PTPRN2: variants seen among roughly 807,000 people sequenced by gnomAD.
The protein encoded by PTPRN2 is protein tyrosine phosphatase receptor type N2, also known as receptor-type tyrosine-protein phosphatase N2.
PTPRN2 carries 74 observed loss-of-function variants against 118.8 expected under a neutral mutation model. The observed-to-expected ratio is 0.62, with a 90% CI of 0.52 to 0.76. The LOEUF (loss-of-function observed/expected upper bound fraction) is 0.76, where lower values mean the gene tolerates loss of function less well. Among genes scored for constraint, PTPRN2 ranks in the 30% least tolerant of loss-of-function variants. The pLI is 0.00. For synonymous variants in PTPRN2, 641 were observed against 608.0 expected, an observed-to-expected ratio of 1.05 and a Z score of -0.80; for missense variants, 1,481 against 1,394.4, an observed-to-expected ratio of 1.06 and a Z score of -0.99.
chr7:158,129,029 C>G (rs1038258820), intron 9 of PTPRN2, among the ~76,000 whole-genome samples: 1 of 151,546 alleles, frequency 6.6e-6, no homozygotes, highest in African/African-American at 2.4e-5. Flanking sequence ...GCCACACACA[C>G]CACATATACA....
intron 4 of PTPRN2, among the ~76,000 whole-genome samples, chr7:158,195,165 A>G (rs1208230033): frequency 1.3e-5 from 2 of 152,194 alleles, no homozygotes. Flanking sequence ...TGTATTTCTG[A>G]GAAAGCCAAT....
At chr7:158,410,241 A>C (rs1440424478) in intron 2 of PTPRN2, among the ~76,000 whole-genome samples, 1 of 152,110 alleles carries the variant, frequency 6.6e-6, no homozygotes, top group African/African-American at 2.4e-5. Flanking sequence ...CTCCCTCTCT[A>C]GAGAGCCTCT....
At chr7:158,532,782 C>T (rs767128325) in intron 1 of PTPRN2, 6 of 534,752 alleles carry the variant, frequency 1.1e-5, no homozygotes, top group East Asian at 5.4e-5. Context: ...CTACATTGAG[C>T]GTGCTGGTGT....
At chr7:158,473,186 A>G (rs1447672434) in intron 2 of PTPRN2, among the ~76,000 whole-genome samples, 1 of 152,214 alleles carries the variant, frequency 6.6e-6, no homozygotes, top group Non-Finnish European at 1.5e-5. Flanking sequence ...ACGGTCCCCA[A>G]GATCAATTTC....
intron 6 of PTPRN2, among the ~76,000 whole-genome samples, chr7:158,157,410 T>C (rs1446167917): frequency 6.6e-6 from 1 of 152,254 alleles, no homozygotes; most frequent in Non-Finnish European, 1.5e-5. Flanking sequence ...CAGAGGTGTT[T>C]AAGCAGAGTC....
At chr7:158,411,113 A>C (rs1425101490) in intron 2 of PTPRN2, among the ~76,000 whole-genome samples, 1 of 151,928 alleles carries the variant, frequency 6.6e-6, no homozygotes, top group Non-Finnish European at 1.5e-5. Context: ...TCCCGAGAGG[A>C]GGCCTCGCTC....
chr7:158,110,378 G>T (rs1035839082), intron 10 of PTPRN2, among the ~76,000 whole-genome samples: 2 of 152,228 alleles, frequency 1.3e-5, no homozygotes, highest in African/African-American at 4.8e-5. Context: ...CCATGGCCAT[G>T]CCTGCCATGG....
At chr7:157,753,672 T>C (rs868435251) in intron 12 of PTPRN2, among the ~76,000 whole-genome samples, 20 of 142,254 alleles carry the variant, frequency 1.4e-4, no homozygotes, top group African/African-American at 5.4e-4. Flanking sequence ...TTCTCTACCA[T>C]GTGCCAGGCC....
At chr7:157,872,260 GT>G (rs1454625779) in intron 12 of PTPRN2, among the ~76,000 whole-genome samples, 214 of 119,674 alleles carry the variant, frequency 1.8e-3, no homozygotes, top group African/African-American at 6.3e-3. Context: ...CATATCCAGT[GT>G]CCTCCCCACA....
chr7:157,624,892 A>C (rs776199185), intron 14 of PTPRN2, among the ~76,000 whole-genome samples: 7 of 152,228 alleles, frequency 4.6e-5, no homozygotes, highest in Non-Finnish European at 1.0e-4. Flanking sequence ...AGAAAAAAAA[A>C]CACAATCCTA....
At chr7:158,203,279 GGAA>G (rs1563598356) in intron 4 of PTPRN2, among the ~76,000 whole-genome samples, 4 of 140,900 alleles carry the variant, frequency 2.8e-5, no homozygotes, top group Non-Finnish European at 6.2e-5. Context: ...GAAAGAAAAA[GGAA>G]GGAAGGAAGG....
At chr7:158,318,093 G>A (rs551845194) in intron 2 of PTPRN2, among the ~76,000 whole-genome samples, 5 of 152,232 alleles carry the variant, frequency 3.3e-5, no homozygotes, top group Admixed American at 1.3e-4. Context: ...GGCCCGAGAT[G>A]CCTGCGAGGC....
chr7:157,669,566 G>A (rs1286061151), intron 13 of PTPRN2: 1 of 488,672 alleles, frequency 2.0e-6, no homozygotes, highest in Non-Finnish European at 4.1e-6. Flanking sequence ...GCAGGAAGGG[G>A]TTCCACGCAC....
intron 6 of PTPRN2, among the ~76,000 whole-genome samples, chr7:158,162,614 A>G (rs1421581105): frequency 8.6e-6 from 1 of 116,250 alleles, no homozygotes; most frequent in Non-Finnish European, 1.9e-5. Flanking sequence ...ACGCTGAACT[A>G]GATGAGCCCC....
intron 12 of PTPRN2, among the ~76,000 whole-genome samples, chr7:157,802,816 T>C (rs971762554): frequency 1.3e-5 from 2 of 152,240 alleles, no homozygotes; most frequent in African/African-American, 2.4e-5. Flanking sequence ...TGATCATTAG[T>C]GATGTTGAGC....
At chr7:157,981,608 CTTTAT>C (rs1803157339) in intron 11 of PTPRN2, among the ~76,000 whole-genome samples, 2 of 114,272 alleles carry the variant, frequency 1.8e-5, no homozygotes, top group Non-Finnish European at 4.1e-5. Flanking sequence ...ATTCAGTTTA[CTTTAT>C]TTTAAAAAAT....
In PTPRN2 at chr7:158,015,373, A is replaced by ATAC. The variant is rs1266670849; in HGVS notation, c.1723+65924_1723+65925insGTA. ...ACAAATCCCCTGTCTACCGATTAAAAACTCTGAGGTCTTTTTAGTTAATGT... is the reference window on the plus strand; with the variant it reads ...ACAAATCCCCTGTCTACCGATTAAAATACACTCTGAGGTCTTTTTAGTTAATGT... On this transcript the variant is annotated intron_variant, in intron 11 of 22. Transcript: ENST00000389418. The surrounding 1 kb of genome is among the most constrained non-coding windows in gnomAD (Gnocchi z 4.2). Among the ~76,000 whole-genome samples the ATAC allele has an allele frequency of 6.6e-6, 1 of 152,116 alleles. No individual in the cohort carries two copies. The highest frequency in any genetic ancestry group is 1.9e-4 in the East Asian group (1 of 5,196).
chr7:158,080,314 CAAAAAAAAAAAAAAA>C (rs556546951), intron 11 of PTPRN2, among the ~76,000 whole-genome samples: 31 of 72,190 alleles, frequency 4.3e-4, no homozygotes, highest in African/African-American at 1.9e-3. Context: ...CAAATTTAAG[CAAAAAAAAAAAAAAA>C]AAAAAAAAAA....
At chr7:157,652,435 C>T (rs1175100458) in intron 14 of PTPRN2, among the ~76,000 whole-genome samples, 1 of 152,240 alleles carries the variant, frequency 6.6e-6, no homozygotes, top group Non-Finnish European at 1.5e-5. Context: ...GCACCTGCAA[C>T]AGCAAAGCGT....
Sources: gnomAD v4.1 joint callset for allele counts (sites outside exome capture counted in the v4.1 genomes callset) on GRCh38, gnomAD v4.1.1 for gene constraint, Gnocchi (gnomAD v3.1) non-coding constraint, MANE v1.5 for transcripts, NCBI Gene and HGNC (gene_info 2026-07-23, HGNC 2026-07-21) for gene names.